The following SLC16A2 variants were observed in gnomAD, a reference collection of about 807,000 sequenced individuals.
The protein encoded by SLC16A2 is monocarboxylate transporter 8.
In SLC16A2, 3 loss-of-function variants were observed where a neutral mutation model predicts 27.2. That is an observed-to-expected ratio of 0.11 (90% CI 0.05 to 0.28). The LOEUF (loss-of-function observed/expected upper bound fraction) is 0.28, where lower values mean the gene tolerates loss of function less well. SLC16A2 is among the 10% of genes least tolerant of loss of function. The pLI, the probability that SLC16A2 is intolerant of heterozygous loss-of-function variation, is 1.00. For synonymous variants in SLC16A2, 202 were observed against 187.8 expected, an observed-to-expected ratio of 1.08 and a Z score of -0.62; for missense variants, 295 against 458.5, an observed-to-expected ratio of 0.64 and a Z score of 3.26.
intron 1 of SLC16A2, among the ~76,000 whole-genome samples, chrX:74,505,901 AGGCTCATCATTTT>A (rs1177703651): frequency 1.8e-5 from 2 of 111,950 alleles, no homozygotes; most frequent in African/African-American, 6.5e-5. Flanking sequence ...GGGTAGGAAG[AGGCTCATCATTTT>A]GGTACTTGTT....
At chrX:74,458,547 C>T (rs1929076428) in intron 1 of SLC16A2, among the ~76,000 whole-genome samples, 1 of 110,682 alleles carries the variant, frequency 9.0e-6, no homozygotes, top group African/African-American at 3.3e-5. Context: ...GGGGTTTCTC[C>T]ATGTTGGTCA....
rs1024672733 is a variant in SLC16A2, at chrX:74,462,972, C to A, written c.430+40905C>A. On this transcript the variant is annotated intron_variant, in intron 1 of 5. Transcript: ENST00000587091. ...TTGTGAGACCACATGCAGGTCTCTTCATCTCTTTGTGGCTCAATTTACCCA... is the reference window on the plus strand; with the variant it reads ...TTGTGAGACCACATGCAGGTCTCTTAATCTCTTTGTGGCTCAATTTACCCA... Among the ~76,000 whole-genome samples, 4 of 111,950 alleles carry A rather than the reference C, an allele frequency of 3.6e-5. No individual in the cohort carries two copies. The Admixed American group carries it at 3.8e-4, about 11-fold the overall frequency.
intron 1 of SLC16A2, chrX:74,473,883 T>C: frequency 6.3e-6 from 3 of 476,513 alleles, no homozygotes; most frequent in Non-Finnish European, 7.6e-6. Flanking sequence ...TCAGGTTGTT[T>C]CAAAGCTCAA....
Position 74,421,748 on chromosome X carries a change from T to A in SLC16A2, c.111T>A (p.Pro37=), listed in dbSNP as rs762215475. 51 of 1,152,759 alleles carry A rather than the reference T, an allele frequency of 4.4e-5. No homozygotes were observed. Among genetic ancestry groups the A allele is most frequent in the Non-Finnish European group, 5.9e-5 (51 of 865,272 alleles). Residue 37 remains proline (P), a synonymous_variant, in exon 1 of 6, where the codon CCT becomes CCA. Coordinates refer to ENST00000587091, the MANE Select transcript of SLC16A2 (RefSeq NM_006517.5). ...GSPEPESEPE[P]EPEPEPVPVP... ...CAGAGCCGGAGTCTGAGCCGGAGCC[T>A]GAGCCCGAGCCCGAGCCCGTGCCAG...
At chrX:74,498,205 G>A (rs1263910812) in intron 1 of SLC16A2, among the ~76,000 whole-genome samples, 1 of 111,901 alleles carries the variant, frequency 8.9e-6, no homozygotes. Flanking sequence ...AAGATGTAGG[G>A]TATAGTTAGA....
intron 1 of SLC16A2, among the ~76,000 whole-genome samples, chrX:74,442,209 C>T (rs1026241882): frequency 2.7e-5 from 2 of 73,184 alleles, no homozygotes; most frequent in Admixed American, 2.0e-4. Context: ...GCCTGAGCAA[C>T]AAGACTGAAA....
Position 74,421,902 on chromosome X carries a change from G to C in SLC16A2, c.265G>C (p.Ala89Pro), listed in dbSNP as rs201661705. 6.1e-5 allele frequency: 74 copies of C among 1,209,393 alleles called. No homozygotes were observed. The African/African-American group carries it at 1.1e-3, about 18-fold the overall frequency. ...GCCTACGGTAGAGACCCGCGGCACC[G>C]CGCGCGGCTTCCAGCCTCCCGAAGG... Reference protein sequence around the residue: ...PTPTVETRGTARGFQPPEGGF... With the variant: ...PTPTVETRGTPRGFQPPEGGF... The change falls in exon 1 of 6, where the codon GCG becomes CCG. Residue 89 changes from alanine (A) to proline (P), a missense_variant. Transcript: ENST00000587091.
chrX:74,477,404 C>A (rs1419217452), intron 1 of SLC16A2, among the ~76,000 whole-genome samples: 3 of 110,769 alleles, frequency 2.7e-5, no homozygotes, highest in East Asian at 2.8e-4. Context: ...GCGGTCTATC[C>A]ATTTTGTTGA....
chrX:74,503,513 G>C (rs1930072839), intron 1 of SLC16A2, among the ~76,000 whole-genome samples: 1 of 111,499 alleles, frequency 9.0e-6, no homozygotes, highest in Non-Finnish European at 1.9e-5. Flanking sequence ...CTGGAAGATG[G>C]CATGTTTACC....
chrX:74,478,213 G>C (rs1010886667), intron 1 of SLC16A2, among the ~76,000 whole-genome samples: 1 of 111,990 alleles, frequency 8.9e-6, no homozygotes, highest in Middle Eastern at 4.2e-3. Context: ...AGCTCTTCTT[G>C]TTGAATTGAT....
chrX:74,496,207 C>A (rs1386608079), intron 1 of SLC16A2, among the ~76,000 whole-genome samples: 1 of 109,894 alleles, frequency 9.1e-6, no homozygotes, highest in Non-Finnish European at 1.9e-5. Context: ...GTTTATGAAA[C>A]AAATCCTCAG....
At chrX:74,480,610 C>T (rs1177195515) in intron 1 of SLC16A2, among the ~76,000 whole-genome samples, 1 of 112,461 alleles carries the variant, frequency 8.9e-6, no homozygotes, top group African/African-American at 3.2e-5. Context: ...TGTTCCTATT[C>T]ATCCATCTTG....
intron 1 of SLC16A2, among the ~76,000 whole-genome samples, chrX:74,506,809 G>A (rs1295087323): frequency 9.0e-6 from 1 of 111,312 alleles, no homozygotes; most frequent in South Asian, 3.8e-4. Context: ...TCCAAAGATC[G>A]GGGTTTTTAT....
chrX:74,437,406 G>C (rs985683910), intron 1 of SLC16A2, among the ~76,000 whole-genome samples: 1 of 112,208 alleles, frequency 8.9e-6, no homozygotes, highest in Non-Finnish European at 1.9e-5. Flanking sequence ...ACCCTAACTT[G>C]TTCAAGGACT....
chrX:74,463,820 C>A (rs1245206692), intron 1 of SLC16A2, among the ~76,000 whole-genome samples: 2 of 112,375 alleles, frequency 1.8e-5, no homozygotes, highest in Non-Finnish European at 3.8e-5. Flanking sequence ...AGCCACCGTG[C>A]CCGGCCTATT....
chrX:74,522,416 C>A (rs1271868921), intron 2 of SLC16A2, among the ~76,000 whole-genome samples: 1 of 111,154 alleles, frequency 9.0e-6, no homozygotes, highest in African/African-American at 3.3e-5. Flanking sequence ...AGGGAAAAAC[C>A]GTGTCCTGCC....
At chrX:74,507,058 C>A (rs1247345557) in intron 1 of SLC16A2, among the ~76,000 whole-genome samples, 1 of 106,949 alleles carries the variant, frequency 9.4e-6, no homozygotes, top group African/African-American at 3.4e-5. Flanking sequence ...AACACCCGCT[C>A]CCCCCCCAAC....
chrX:74,524,268 G>A (rs745907052), intron 2 of SLC16A2, 91 bp from the exon 3 acceptor site: 69 of 946,898 alleles, frequency 7.3e-5, no homozygotes, highest in Admixed American at 1.6e-4. Flanking sequence ...GGTTAAGGGC[G>A]GAGGAATGGA....
chrX:74,513,670 A>G (rs1930269809), intron 1 of SLC16A2, among the ~76,000 whole-genome samples: 1 of 111,909 alleles, frequency 8.9e-6, no homozygotes, highest in South Asian at 3.7e-4. Context: ...CTTCTCTTAT[A>G]TAACGCTATT....
Sources: gnomAD v4.1 joint callset for allele counts (sites outside exome capture counted in the v4.1 genomes callset) on GRCh38, gnomAD v4.1.1 for gene constraint, MANE v1.5 for transcripts, NCBI Gene and HGNC (gene_info 2026-07-23, HGNC 2026-07-21) for gene names.